The following MAP3K13 variants were observed in gnomAD, a reference collection of about 807,000 sequenced individuals.
The protein encoded by MAP3K13 is mitogen-activated protein kinase kinase kinase 13.
A neutral mutation model predicts 104.0 loss-of-function variants in MAP3K13; 52 were observed. The ratio of observed to expected loss-of-function variants is 0.50; its 90% CI spans 0.40 to 0.63. The LOEUF (loss-of-function observed/expected upper bound fraction) is 0.63. MAP3K13 is among the 20% of genes least tolerant of loss of function. The pLI is 0.00. For missense variants in MAP3K13, 914 were observed against 1,218.5 expected (o/e 0.75, Z 3.72); for synonymous variants, 394 against 442.2 (o/e 0.89, Z 1.37).
chr3:185,373,822 GA>G lies in MAP3K13; in HGVS notation c.-86+10455del, dbSNP rs1560071424. The stretch of plus-strand genomic sequence containing the variant: ...TAGCCTGGTCCTATACAGTGAAAAG[GA>G]TTTTTTTTTTTTTTTTTTTTTTTTT... On this transcript the variant is annotated intron_variant, in intron 1 of 13. Transcript: ENST00000265026. 4.4e-5 allele frequency among the ~76,000 whole-genome samples: 5 copies of G among 112,576 alleles called. No individual in the cohort carries two copies. In the East Asian group the frequency reaches 1.3e-3, roughly 30 times the overall value. 73.9% of individuals were successfully genotyped at this position (112,576 alleles called of 152,430 possible).
In MAP3K13 at chr3:185,473,523, C is replaced by T; in HGVS notation, c.2192C>T (p.Pro731Leu). ...TGTTGCCAGGCTGACGCTTATGACC[C>T]CTGCCTTCAGTGCAGGCCAGAACAG... ...WGCCQADAYD[P>L]CLQCRPEQYG... The change falls in exon 11 of 14, where the codon CCC becomes CTC. Residue 731 changes from proline (P) to leucine (L), a missense_variant. This residue lies in a region of MAP3K13 where 583 missense variants were observed against 737.4 expected (regional missense o/e 0.79). Transcript: ENST00000265026. The surrounding 1 kb of genome is among the most constrained non-coding windows in gnomAD (Gnocchi z 4.9). The T allele has an allele frequency of 6.2e-7, 1 of 1,614,242 alleles. No individual in the cohort carries two copies. The highest frequency in any genetic ancestry group is 8.5e-7 in the Non-Finnish European group (1 of 1,180,052).
intron 2 of MAP3K13, among the ~76,000 whole-genome samples, chr3:185,293,318 A>G (rs1560036201): frequency 2.0e-5 from 3 of 151,898 alleles, no homozygotes; most frequent in South Asian, 2.1e-4. Flanking sequence ...GGGTTTCGCC[A>G]TGTTGGCCAG....
rs540099013 is a variant in MAP3K13, at chr3:185,343,476, C to T, written c.-86+57833C>T. Among the ~76,000 whole-genome samples the T allele has an allele frequency of 8.0e-4, 122 of 152,206 alleles. 2 individuals carry two copies. In the South Asian group the frequency reaches 0.018, roughly 23 times the overall value. On this transcript the variant is annotated intron_variant, in intron 2 of 14. Transcript: ENST00000424227. ...TGTTTATTTATTTATTTATTTGAGA[C>T]GGCATCTCGCTCTGTCGCCAGGCTG... is the stretch of plus-strand genomic sequence containing the variant.
rs866961351 is a variant in MAP3K13, at chr3:185,454,291, G to C, written c.1278+2896G>C. 4.5e-5 allele frequency among the ~76,000 whole-genome samples: 4 copies of C among 88,972 alleles called. 2 individuals carry two copies. In the East Asian group the frequency reaches 1.3e-3, roughly 28 times the overall value. 58.4% of individuals were successfully genotyped at this position (88,972 alleles called of 152,430 possible). ...TATATATCATATATATGATATATAT[G>C]AGATATATATCATATATATATGAGA... On this transcript the variant is annotated intron_variant, in intron 7 of 13. Transcript: ENST00000265026.
Position 185,428,612 on chromosome 3 carries a change from T to C in MAP3K13, c.31T>C (p.Ser11Pro), listed in dbSNP as rs1430191192. The C allele has an allele frequency of 1.2e-6, 2 of 1,606,854 alleles. No individual in the cohort carries two copies. The highest frequency in any genetic ancestry group is 1.7e-6 in the Non-Finnish European group (2 of 1,175,124). MANFQEHLSCSSSPHLPFSES... is the reference protein window; with the variant it reads MANFQEHLSCPSSPHLPFSES... ...CAACTTTCAGGAGCACCTGAGCTGC[T>C]CCTCTTCTCCACACTTACCCTTCAG... Residue 11 changes from serine (S) to proline (P), a missense_variant, in exon 2 of 14, where the codon TCC becomes CCC. Transcript: ENST00000265026.
chr3:185,427,452 G>T (rs556170606), intron 1 of MAP3K13, among the ~76,000 whole-genome samples: 17 of 152,160 alleles, frequency 1.1e-4, no homozygotes, highest in Non-Finnish European at 2.2e-4. Flanking sequence ...CACTTTTAAA[G>T]GTTAGGTGGC....
At chr3:185,359,469 G>T (rs527673746), upstream of MAP3K13, among the ~76,000 whole-genome samples, 43 of 152,270 alleles carry the variant, frequency 2.8e-4, no homozygotes, top group Admixed American at 1.5e-3. Context: ...CTGTGGTTCT[G>T]ATTCCTGGAT....
chr3:185,421,351 C>G (rs907711062), intron 1 of MAP3K13, among the ~76,000 whole-genome samples: 2 of 152,050 alleles, frequency 1.3e-5, no homozygotes, highest in African/African-American at 4.8e-5. Flanking sequence ...GCGCCTGCCA[C>G]CATGCCCAGC....
Position 185,473,823 on chromosome 3 carries a change from T to C in MAP3K13, c.2430+62T>C, listed in dbSNP as rs1717954678. On this transcript the variant is annotated intron_variant, in intron 11 of 13. Coordinates refer to ENST00000265026, the MANE Select transcript of MAP3K13 (RefSeq NM_004721.5). This position sits in a 1 kb window ranked among gnomAD's most constrained non-coding sequence, Gnocchi z 4.9. ...CTTCAAAGAATGCCAGAGCCTGTCATGTTATACACATTAGAGAGCATATGT... is the reference window on the plus strand; with the variant it reads ...CTTCAAAGAATGCCAGAGCCTGTCACGTTATACACATTAGAGAGCATATGT... The C allele has an allele frequency of 6.7e-7, 1 of 1,493,264 alleles. No homozygotes were observed. Among genetic ancestry groups the C allele is most frequent in the African/African-American group, 1.4e-5 (1 of 71,606 alleles). 92.5% of individuals were successfully genotyped at this position (1,493,264 alleles called of 1,614,324 possible).
chr3:185,463,546 C>T lies in MAP3K13; in HGVS notation c.1279-4C>T. 2 of 1,542,246 alleles carry T rather than the reference C, an allele frequency of 1.3e-6. No individual in the cohort carries two copies. Among genetic ancestry groups the T allele is most frequent in the Middle Eastern group, 1.7e-4 (1 of 5,896 alleles). ...TTATCAAAATCTAATTTGTCCTTACCCAGGCTGAATGGAGAGAAGAAGTGA... is the reference window on the plus strand; with the variant it reads ...TTATCAAAATCTAATTTGTCCTTACTCAGGCTGAATGGAGAGAAGAAGTGA... On this transcript the variant is annotated splice_region_variant and splice_polypyrimidine_tract_variant and intron_variant, in intron 7 of 13. Coordinates refer to ENST00000265026, the MANE Select transcript of MAP3K13 (RefSeq NM_004721.5).
In MAP3K13 at chr3:185,480,537, C is replaced by T; in HGVS notation, c.2799+8C>T. On this transcript the variant is annotated splice_region_variant and intron_variant, in intron 13 of 13. Transcript: ENST00000265026. ...GAGGAACGTGGCTATGAGGTGGGGGCTTCTCCCTTCTCCTCCCATCACTGT... is the reference window on the plus strand; with the variant it reads ...GAGGAACGTGGCTATGAGGTGGGGGTTTCTCCCTTCTCCTCCCATCACTGT... The T allele has an allele frequency of 6.2e-7, 1 of 1,609,802 alleles. No individual in the cohort carries two copies.
chr3:185,465,981 A>G (rs1717393491), intron 9 of MAP3K13, 118 bp downstream of exon 9: 10 of 792,800 alleles, frequency 1.3e-5, no homozygotes, highest in South Asian at 7.7e-5. Flanking sequence ...CATTCACCCA[A>G]CATTCCTTCC....
intron 2 of MAP3K13, among the ~76,000 whole-genome samples, chr3:185,429,690 A>G (rs567652300): frequency 6.6e-6 from 1 of 152,336 alleles, no homozygotes; most frequent in East Asian, 1.9e-4. Context: ...AATCAAAAAA[A>G]TCTGATGGCT....
chr3:185,416,680 G>A (rs1448802293), intron 1 of MAP3K13, among the ~76,000 whole-genome samples: 1 of 152,100 alleles, frequency 6.6e-6, no homozygotes, highest in Admixed American at 6.6e-5. Context: ...TCAGACTGGA[G>A]TACAGTGGCG....
intron 11 of MAP3K13, among the ~76,000 whole-genome samples, chr3:185,475,332 C>A (rs1321974603): frequency 1.3e-5 from 2 of 152,182 alleles, no homozygotes; most frequent in Non-Finnish European, 2.9e-5. Flanking sequence ...ATGTTTACAA[C>A]ATGGTAGACA....
intron 7 of MAP3K13, among the ~76,000 whole-genome samples, chr3:185,455,845 G>C (rs1195816419): frequency 4.1e-4 from 36 of 88,254 alleles, no homozygotes; most frequent in Middle Eastern, 8.8e-3. Context: ...ATATATATGA[G>C]ATATATATGA....
intron 7 of MAP3K13, among the ~76,000 whole-genome samples, chr3:185,459,346 A>C (rs1716956853): frequency 6.6e-6 from 1 of 152,124 alleles, no homozygotes; most frequent in Admixed American, 6.5e-5. Context: ...CTACTCCTTA[A>C]GCTAGGCTGG....
At chr3:185,345,377 C>T (rs1214012152) in intron 2 of MAP3K13, among the ~76,000 whole-genome samples, 1 of 152,176 alleles carries the variant, frequency 6.6e-6, no homozygotes, top group African/African-American at 2.4e-5. Flanking sequence ...TCTATTACAG[C>T]ATAGTGCAGG....
intron 2 of MAP3K13, 85 bp from the exon 3 acceptor site, chr3:185,437,362 C>A: frequency 8.4e-7 from 1 of 1,192,782 alleles, no homozygotes; most frequent in Non-Finnish European, 1.2e-6. Context: ...TCCTGGGTGA[C>A]GATGAAGTTG....
Sources: allele counts gnomAD v4.1 joint callset (sites outside exome capture counted in the v4.1 genomes callset), GRCh38; gene constraint gnomAD v4.1.1; regional missense constraint gnomAD v4.1.1; non-coding constraint Gnocchi (gnomAD v3.1); transcripts MANE v1.5; gene names NCBI Gene and HGNC (gene_info 2026-07-23, HGNC 2026-07-21).